The following TMCO5A variants were observed in gnomAD, a reference collection of about 807,000 sequenced individuals.
TMCO5A encodes the protein transmembrane and coiled-coil domains 5A, also known as transmembrane and coiled-coil domain-containing protein 5A.
TMCO5A carries 34 observed loss-of-function variants against 42.3 expected under a neutral mutation model. The ratio of observed to expected loss-of-function variants is 0.80; its 90% CI spans 0.61 to 1.07. TMCO5A has a LOEUF of 1.07. Among genes scored for constraint, TMCO5A ranks in the 50% least tolerant of loss-of-function variants. TMCO5A has a pLI of 0.00. For synonymous variants in TMCO5A, 131 were observed against 115.6 expected (o/e 1.13, Z -0.86); for missense variants, 357 against 327.9 (o/e 1.09, Z -0.69).
chr15:37,970,379 A>C (rs1890650593), downstream of TMCO5A, among the ~76,000 whole-genome samples: 1 of 152,208 alleles, frequency 6.6e-6, no homozygotes, highest in South Asian at 2.1e-4. Flanking sequence ...AGCACAAGAA[A>C]GACCTGCCCC....
intron 11 of TMCO5A, among the ~76,000 whole-genome samples, chr15:37,958,482 T>C (rs962416625): frequency 6.6e-6 from 1 of 151,888 alleles, no homozygotes; most frequent in Non-Finnish European, 1.5e-5. Context: ...CCAACAAACA[T>C]GAAAAAAAGC....
At chr15:37,942,379 G>T in intron 9 of TMCO5A, 124 bp downstream of exon 9, 2 of 869,866 alleles carry the variant, frequency 2.3e-6, no homozygotes. Context: ...ACATATCTTT[G>T]CCCTCTGTTA....
chr15:37,968,372 C>CTCAAAGATA (rs1003887110), downstream of TMCO5A, among the ~76,000 whole-genome samples: 5 of 152,122 alleles, frequency 3.3e-5, no homozygotes, highest in African/African-American at 1.2e-4. Flanking sequence ...ACGCAAACAG[C>CTCAAAGATA]TCAAAGATAC....
the TMCO5A span, among the ~76,000 whole-genome samples, chr15:37,992,465 A>G: frequency 2.0e-5 from 3 of 152,196 alleles, no homozygotes; most frequent in African/African-American, 7.2e-5. Flanking sequence ...AAAAACAGAA[A>G]TACCATTTGA....
the TMCO5A span, among the ~76,000 whole-genome samples, chr15:38,004,352 G>C: frequency 6.6e-6 from 1 of 151,972 alleles, no homozygotes; most frequent in African/African-American, 2.4e-5. Flanking sequence ...TCCCTGTGCT[G>C]CCTGGGGTTG....
chr15:37,963,024 T>C (rs1890471036), intron 11 of TMCO5A, among the ~76,000 whole-genome samples: 1 of 152,074 alleles, frequency 6.6e-6, no homozygotes. Context: ...GTATTTCTTT[T>C]GTTGTTGTTG....
intron 4 of TMCO5A, 68 bp downstream of exon 4, chr15:37,937,038 A>G (rs1566913638): frequency 5.0e-6 from 8 of 1,590,132 alleles, no homozygotes; most frequent in East Asian, 4.5e-5. Context: ...ATCAATTATC[A>G]GATAAGCTTG....
intron 11 of TMCO5A, among the ~76,000 whole-genome samples, chr15:37,957,208 C>A (rs1251996021): frequency 6.6e-6 from 1 of 152,128 alleles, no homozygotes; most frequent in Non-Finnish European, 1.5e-5. Flanking sequence ...TCTCACCACT[C>A]CTATTCAACA....
chr15:37,943,509 C>A, intron 10 of TMCO5A, 111 bp downstream of exon 10: 1 of 996,786 alleles, frequency 1.0e-6, no homozygotes, highest in Non-Finnish European at 1.5e-6. Flanking sequence ...TGCGCATTTT[C>A]CAAGAACAGT....
At chr15:37,942,398 G>A in intron 9 of TMCO5A, 143 bp downstream of exon 9, 6 of 715,576 alleles carry the variant, frequency 8.4e-6, no homozygotes, top group Non-Finnish European at 1.4e-5. Context: ...TAGTGATCTG[G>A]TTGACCCCAG....
the TMCO5A span, among the ~76,000 whole-genome samples, chr15:38,039,152 A>G: frequency 6.6e-6 from 1 of 152,252 alleles, no homozygotes; most frequent in African/African-American, 2.4e-5. Context: ...ATAGATTTAA[A>G]TAAGCTATAA....
the TMCO5A span, among the ~76,000 whole-genome samples, chr15:38,012,264 T>C: frequency 6.6e-6 from 1 of 152,214 alleles, no homozygotes; most frequent in East Asian, 1.9e-4. Context: ...TCCATATGTC[T>C]CTCACGGTGC....
Position 37,947,333 on chromosome 15 carries a change from T to C in TMCO5A, c.628-323T>C, listed in dbSNP as rs115632768. On this transcript the variant is annotated intron_variant, in intron 10 of 11. Coordinates refer to ENST00000319669, the MANE Select transcript of TMCO5A (RefSeq NM_152453.4). Reference sequence around the variant, plus strand: ...CTGAGCAGAAGATAGAATGGTATAGTTGAGAGAGCCAAGAATGTGGAGTCA... The same window carrying C: ...CTGAGCAGAAGATAGAATGGTATAGCTGAGAGAGCCAAGAATGTGGAGTCA... Among the ~76,000 whole-genome samples the C allele has an allele frequency of 5.0e-3, 759 of 152,142 alleles. 13 individuals carry two copies. Among genetic ancestry groups the C allele is most frequent in the African/African-American group, 0.018 (731 of 41,540 alleles).
Position 37,942,199 on chromosome 15 carries a change from G to A in TMCO5A, c.513G>A (p.Gln171=). The change falls in exon 9 of 12, where the codon CAG becomes CAA. Residue 171 remains glutamine (Q), a synonymous_variant. Transcript: ENST00000319669. The stretch of plus-strand genomic sequence containing the variant: ...TTTGTTTCTCTTTGAAGAAGTACCA[G>A]GAAACGTTGAAGAAAATAGAAGAAG... ...EDQALYIKKY[Q]ETLKKIEEEL... is the part of the protein sequence containing the mutation. 6.2e-7 allele frequency: 1 copy of A among 1,612,682 alleles called. No homozygotes were observed. The highest frequency in any genetic ancestry group is 8.5e-7 in the Non-Finnish European group (1 of 1,179,172).
chr15:37,988,853 G>A, the TMCO5A span, among the ~76,000 whole-genome samples: 115 of 152,028 alleles, frequency 7.6e-4, 1 homozygote, highest in East Asian at 0.012. Context: ...GGACAATGCT[G>A]GCCTCATAGA....
the TMCO5A span, among the ~76,000 whole-genome samples, chr15:38,007,242 C>G: frequency 6.6e-6 from 1 of 152,106 alleles, no homozygotes; most frequent in Admixed American, 6.5e-5. Context: ...AATGAGAGTT[C>G]AACACTCCAG....
chr15:37,944,613 A>T (rs1889868125), intron 10 of TMCO5A, among the ~76,000 whole-genome samples: 1 of 151,952 alleles, frequency 6.6e-6, no homozygotes, highest in African/African-American at 2.4e-5. Context: ...AATTTTTTTT[A>T]GTAGAAAGAT....
chr15:37,983,303 C>T, the TMCO5A span, among the ~76,000 whole-genome samples: 1 of 152,156 alleles, frequency 6.6e-6, no homozygotes, highest in South Asian at 2.1e-4. Context: ...TCATTATGCG[C>T]AGTTTCAGTT....
the TMCO5A span, among the ~76,000 whole-genome samples, chr15:38,037,052 C>A: frequency 1.8e-4 from 27 of 152,178 alleles, no homozygotes; most frequent in Non-Finnish European, 3.2e-4. Flanking sequence ...TAGTGCTGAA[C>A]AGAGTCAAAG....
Sources: allele counts gnomAD v4.1 joint callset (sites outside exome capture counted in the v4.1 genomes callset), GRCh38; gene constraint gnomAD v4.1.1; transcripts MANE v1.5; gene names NCBI Gene and HGNC (gene_info 2026-07-23, HGNC 2026-07-21).